Variants in GPR176 observed in about 807,000 individuals in gnomAD.
GPR176 encodes the protein G protein-coupled receptor 176, also known as G-protein coupled receptor 176.
In GPR176, 26 loss-of-function variants were observed where a neutral mutation model predicts 35.4. The observed-to-expected ratio is 0.74, with a 90% CI of 0.54 to 1.02. The LOEUF (loss-of-function observed/expected upper bound fraction) is 1.02, where lower values mean the gene tolerates loss of function less well. Among genes scored for constraint, GPR176 ranks in the 50% least tolerant of loss-of-function variants. The pLI is 0.00. For missense variants in GPR176, 597 were observed against 665.3 expected (o/e 0.90, Z 1.13); for synonymous variants, 278 against 271.3 (o/e 1.02, Z -0.24).
chr15:39,878,095 C>CGTGTGTGTGTGTGTGTGT (rs1411063695), intron 1 of GPR176, among the ~76,000 whole-genome samples: 8 of 40,928 alleles, frequency 2.0e-4, no homozygotes, highest in South Asian at 8.3e-4. Flanking sequence ...CCCATAGTTA[C>CGTGTGTGTGTGTGTGTGT]CTGTGTGTGT....
chr15:39,915,493 T>C (rs768458192), intron 1 of GPR176, among the ~76,000 whole-genome samples: 3 of 152,098 alleles, frequency 2.0e-5, no homozygotes, highest in African/African-American at 4.8e-5. Context: ...ATTCAGTCTA[T>C]AAAGGAAAGG....
intron 1 of GPR176, among the ~76,000 whole-genome samples, chr15:39,912,316 T>C (rs1187915546): frequency 6.6e-6 from 1 of 152,168 alleles, no homozygotes; most frequent in Non-Finnish European, 1.5e-5. Context: ...GGAAACTCTC[T>C]GACAATAAAA....
At chr15:39,895,055 C>G (rs965212654) in intron 1 of GPR176, among the ~76,000 whole-genome samples, 3 of 152,244 alleles carry the variant, frequency 2.0e-5, no homozygotes, top group African/African-American at 7.2e-5. Flanking sequence ...ATAGCGAAAC[C>G]CGGTCTCCAC....
At chr15:39,857,888 G>A (rs1210804688) in intron 1 of GPR176, among the ~76,000 whole-genome samples, 64 of 150,174 alleles carry the variant, frequency 4.3e-4, no homozygotes, top group African/African-American at 1.4e-3. Flanking sequence ...GGAGAATGGC[G>A]TGAACCTGGG....
intron 1 of GPR176, among the ~76,000 whole-genome samples, chr15:39,892,408 G>A (rs977764146): frequency 1.6e-4 from 24 of 152,168 alleles, no homozygotes; most frequent in Non-Finnish European, 7.4e-5. Flanking sequence ...AGGAAGCAGA[G>A]ATTATGAGTT....
At chr15:39,838,891 T>C (rs1595467477) in intron 1 of GPR176, among the ~76,000 whole-genome samples, 1 of 152,134 alleles carries the variant, frequency 6.6e-6, no homozygotes. Context: ...GGAAGTCAAA[T>C]TGTCCCTGTT....
At chr15:39,903,763 A>G (rs1322806901) in intron 1 of GPR176, among the ~76,000 whole-genome samples, 1 of 152,184 alleles carries the variant, frequency 6.6e-6, no homozygotes, top group African/African-American at 2.4e-5. Flanking sequence ...AAATGCTTCT[A>G]AATTAACATA....
At chr15:39,849,812 A>C (rs372357976) in intron 1 of GPR176, among the ~76,000 whole-genome samples, 3 of 152,162 alleles carry the variant, frequency 2.0e-5, no homozygotes, top group African/African-American at 7.2e-5. Flanking sequence ...TTAATGACAG[A>C]GATTCATTCT....
intron 1 of GPR176, among the ~76,000 whole-genome samples, chr15:39,820,263 C>T (rs548061230): frequency 1.3e-5 from 2 of 151,420 alleles, no homozygotes; most frequent in South Asian, 4.2e-4. Context: ...CAGGAGATAG[C>T]TGGCCAAGAC....
intron 1 of GPR176, among the ~76,000 whole-genome samples, chr15:39,843,149 C>A (rs1474108400): frequency 1.3e-5 from 2 of 151,744 alleles, no homozygotes; most frequent in Non-Finnish European, 2.9e-5. Flanking sequence ...TGATAGCCTG[C>A]TGGTTGAAGC....
At chr15:39,842,183 C>T (rs2030044491) in intron 1 of GPR176, among the ~76,000 whole-genome samples, 1 of 152,102 alleles carries the variant, frequency 6.6e-6, no homozygotes, top group African/African-American at 2.4e-5. Context: ...CACAGTTCCA[C>T]AGGCTGTATA....
At chr15:39,845,135 A>C (rs1269827358) in intron 1 of GPR176, among the ~76,000 whole-genome samples, 2 of 152,118 alleles carry the variant, frequency 1.3e-5, no homozygotes, top group East Asian at 3.9e-4. Flanking sequence ...CTGAGAGGCT[A>C]TTCCTACCTA....
At chr15:39,919,717 G>A (rs1595531747) in intron 1 of GPR176, 138 bp downstream of exon 1, 1 of 568,252 alleles carries the variant, frequency 1.8e-6, no homozygotes, top group Non-Finnish European at 2.8e-6. Flanking sequence ...CAGCTACCCG[G>A]GATCCTTAAG....
At chr15:39,882,094 C>T (rs972235446) in intron 1 of GPR176, among the ~76,000 whole-genome samples, 5 of 152,160 alleles carry the variant, frequency 3.3e-5, no homozygotes, top group African/African-American at 1.2e-4. Context: ...GAAATTGACT[C>T]ATTTTGTCAT....
At chr15:39,898,478 G>C (rs1216630513) in intron 1 of GPR176, among the ~76,000 whole-genome samples, 1 of 152,218 alleles carries the variant, frequency 6.6e-6, no homozygotes, top group Non-Finnish European at 1.5e-5. Context: ...CAAAGACAGA[G>C]AGTGAAAGGA....
chr15:39,863,096 C>T (rs2140830283), intron 1 of GPR176, among the ~76,000 whole-genome samples: 1 of 150,692 alleles, frequency 6.6e-6, no homozygotes, highest in East Asian at 1.9e-4. Flanking sequence ...CAGAGTCTCG[C>T]TCTGTTGCCC....
At chr15:39,824,337 A>G (rs1223425955) in intron 1 of GPR176, among the ~76,000 whole-genome samples, 3 of 152,226 alleles carry the variant, frequency 2.0e-5, no homozygotes, top group Non-Finnish European at 4.4e-5. Context: ...AAACTGAGTA[A>G]CAAAGGAGGC....
intron 1 of GPR176, among the ~76,000 whole-genome samples, chr15:39,919,286 G>GT (rs879504320): frequency 1.9e-4 from 29 of 151,692 alleles, no homozygotes; most frequent in Admixed American, 1.3e-3. Context: ...GTTTGGTTTT[G>GT]TTTTTTTTAA....
At chr15:39,870,810 A>G (rs2032015310) in intron 1 of GPR176, among the ~76,000 whole-genome samples, 1 of 152,114 alleles carries the variant, frequency 6.6e-6, no homozygotes, top group Non-Finnish European at 1.5e-5. Context: ...CCCTCTCACT[A>G]CGAACTGAGG....
Sources: allele counts gnomAD v4.1 joint callset (sites outside exome capture counted in the v4.1 genomes callset), GRCh38; gene constraint gnomAD v4.1.1; transcripts MANE v1.5; gene names NCBI Gene and HGNC (gene_info 2026-07-23, HGNC 2026-07-21).